The following SEMA6D variants were observed in gnomAD, a reference collection of about 807,000 sequenced individuals.
SEMA6D encodes the protein semaphorin 6D.
A neutral mutation model predicts 106.6 loss-of-function variants in SEMA6D; 35 were observed. That is an observed-to-expected ratio of 0.33 (90% CI 0.25 to 0.44). SEMA6D has a LOEUF of 0.44. SEMA6D is among the 20% of genes least tolerant of loss of function. The probability of loss-of-function intolerance (pLI) is 1.00; values close to 1 mark genes in which losing one functional copy is unlikely to be tolerated. For synonymous variants in SEMA6D, 499 were observed against 487.7 expected, an observed-to-expected ratio of 1.02 and a Z score of -0.31; for missense variants, 1,185 against 1,345.9, an observed-to-expected ratio of 0.88 and a Z score of 1.87.
chr15:47,625,849 A>G (rs1281970319), intron 4 of SEMA6D, among the ~76,000 whole-genome samples: 1 of 152,216 alleles, frequency 6.6e-6, no homozygotes, highest in Non-Finnish European at 1.5e-5. Flanking sequence ...GTGTGATAAA[A>G]TATAGATAAA....
At chr15:47,407,952 C>CT (rs1472054034) in intron 1 of SEMA6D, among the ~76,000 whole-genome samples, 2 of 152,146 alleles carry the variant, frequency 1.3e-5, no homozygotes, top group Non-Finnish European at 2.9e-5. Context: ...TGTTGGGAAT[C>CT]TCCATGTGAA....
chr15:47,738,550 A>C (rs903424763), intron 1 of SEMA6D, among the ~76,000 whole-genome samples: 14 of 152,174 alleles, frequency 9.2e-5, no homozygotes, highest in African/African-American at 3.4e-4. Flanking sequence ...TTACTAGGGA[A>C]TTGTCATAAC....
chr15:47,563,266 G>A (rs1363611633), intron 3 of SEMA6D, among the ~76,000 whole-genome samples: 1 of 152,118 alleles, frequency 6.6e-6, no homozygotes, highest in Admixed American at 6.5e-5. Flanking sequence ...AATGACTGTT[G>A]TACAACTTTT....
chr15:47,499,987 C>A (rs993837367), intron 3 of SEMA6D, among the ~76,000 whole-genome samples: 2 of 152,004 alleles, frequency 1.3e-5, no homozygotes, highest in African/African-American at 4.8e-5. Context: ...GCTCTTAATC[C>A]CTCAATGATA....
At chr15:47,532,975 A>G (rs760958549) in intron 3 of SEMA6D, among the ~76,000 whole-genome samples, 1 of 152,212 alleles carries the variant, frequency 6.6e-6, no homozygotes, top group Non-Finnish European at 1.5e-5. Flanking sequence ...GATGATGATC[A>G]TGATGAGGCT....
At chr15:47,248,578 A>T (rs1422739813) in intron 1 of SEMA6D, among the ~76,000 whole-genome samples, 1 of 152,244 alleles carries the variant, frequency 6.6e-6, no homozygotes, top group Non-Finnish European at 1.5e-5. Flanking sequence ...AGATATACCT[A>T]ATATATTCTA....
At chr15:47,625,321 G>A (rs1305922744) in intron 4 of SEMA6D, among the ~76,000 whole-genome samples, 1 of 152,142 alleles carries the variant, frequency 6.6e-6, no homozygotes, top group Non-Finnish European at 1.5e-5. Context: ...ATATTTAGAC[G>A]AGTTATTACT....
At chr15:47,513,676 C>T (rs2044300029) in intron 3 of SEMA6D, among the ~76,000 whole-genome samples, 1 of 152,150 alleles carries the variant, frequency 6.6e-6, no homozygotes, top group South Asian at 2.1e-4. Context: ...GATAGATTCC[C>T]AAGGGCAATA....
chr15:47,473,497 A>G (rs2042913584), intron 3 of SEMA6D, among the ~76,000 whole-genome samples: 1 of 152,156 alleles, frequency 6.6e-6, no homozygotes, highest in African/African-American at 2.4e-5. Context: ...ACACACTCTG[A>G]AAGAAAGAGA....
At chr15:47,332,508 T>TA (rs1458021961) in intron 1 of SEMA6D, among the ~76,000 whole-genome samples, 1 of 152,190 alleles carries the variant, frequency 6.6e-6, no homozygotes. Flanking sequence ...AACATGTCCC[T>TA]AGGTGGCACA....
At chr15:47,403,765 G>C (rs1222863267) in intron 1 of SEMA6D, among the ~76,000 whole-genome samples, 3 of 152,176 alleles carry the variant, frequency 2.0e-5, no homozygotes, top group Non-Finnish European at 4.4e-5. Flanking sequence ...GGGTGAAGCA[G>C]TGCAGAGCGG....
intron 2 of SEMA6D, among the ~76,000 whole-genome samples, chr15:47,427,155 T>G (rs1408751111): frequency 6.6e-6 from 1 of 152,146 alleles, no homozygotes; most frequent in Non-Finnish European, 1.5e-5. Context: ...CAAGTATCCA[T>G]AATATGAACA....
At chr15:47,327,050 G>A (rs1241922073) in intron 1 of SEMA6D, among the ~76,000 whole-genome samples, 1 of 152,136 alleles carries the variant, frequency 6.6e-6, no homozygotes, top group South Asian at 2.1e-4. Context: ...GGATGATCAG[G>A]TATTGATTAT....
intron 1 of SEMA6D, among the ~76,000 whole-genome samples, chr15:47,352,175 G>A (rs2038351638): frequency 6.6e-6 from 1 of 152,102 alleles, no homozygotes; most frequent in Non-Finnish European, 1.5e-5. Context: ...TGATATTTTA[G>A]TAATGAACAC....
chr15:47,277,754 C>A (rs1266094275), intron 1 of SEMA6D, among the ~76,000 whole-genome samples: 1 of 151,688 alleles, frequency 6.6e-6, no homozygotes, highest in East Asian at 1.9e-4. Flanking sequence ...CAATGCTATT[C>A]CTCCCCCCTC....
intron 3 of SEMA6D, among the ~76,000 whole-genome samples, chr15:47,512,601 G>A (rs1199503537): frequency 2.6e-5 from 4 of 152,172 alleles, no homozygotes; most frequent in Non-Finnish European, 5.9e-5. Context: ...CTTTAGGTAT[G>A]AGGAAGAATG....
Position 47,388,418 on chromosome 15 carries a change from C to A in SEMA6D, c.-238-23975C>A, listed in dbSNP as rs2039913642. ...CAATTACTAAGATTTAAATCTTGTG[C>A]CCTTCTGGGTAGTGTCATGAAATCC... On this transcript the variant is annotated intron_variant, in intron 1 of 19. Coordinates refer to the SEMA6D transcript ENST00000558014. 2.6e-5 allele frequency among the ~76,000 whole-genome samples: 4 copies of A among 152,202 alleles called. No individual in the cohort carries two copies. The South Asian group carries it at 6.2e-4, about 24-fold the overall frequency.
chr15:47,703,295 AT>A (rs1454734557), intron 4 of SEMA6D, among the ~76,000 whole-genome samples: 1 of 152,176 alleles, frequency 6.6e-6, no homozygotes, highest in Non-Finnish European at 1.5e-5. Flanking sequence ...CTATACATTC[AT>A]TTTATTGTAC....
At chr15:47,195,296 C>A (rs1894261797) in intron 1 of SEMA6D, among the ~76,000 whole-genome samples, 1 of 152,082 alleles carries the variant, frequency 6.6e-6, no homozygotes, top group Non-Finnish European at 1.5e-5. Flanking sequence ...GAGCACATTG[C>A]TTTCTCACCT....
Sources: allele counts gnomAD v4.1 joint callset (sites outside exome capture counted in the v4.1 genomes callset), GRCh38; gene constraint gnomAD v4.1.1; transcripts MANE v1.5; gene names NCBI Gene and HGNC (gene_info 2026-07-23, HGNC 2026-07-21).